Variants in NT5C2 observed in about 807,000 individuals in gnomAD.
NT5C2 encodes the protein 5'-nucleotidase, cytosolic II, also known as cytosolic purine 5'-nucleotidase.
A neutral mutation model predicts 76.1 loss-of-function variants in NT5C2; 58 were observed. The observed-to-expected ratio is 0.76, with a 90% confidence interval of 0.62 to 0.95. The LOEUF (loss-of-function observed/expected upper bound fraction) is 0.95. Ranked by LOEUF, NT5C2 falls within the 40% of genes least tolerant of loss-of-function variation. The probability of loss-of-function intolerance (pLI) is 0.00; values close to 1 mark genes in which losing one functional copy is unlikely to be tolerated. For missense variants in NT5C2, 478 were observed against 690.3 expected (o/e 0.69, Z 3.45); for synonymous variants, 229 against 237.4 (o/e 0.96, Z 0.32).
At chr10:103,138,042 T>C (rs1431444359) in intron 4 of NT5C2, among the ~76,000 whole-genome samples, 2 of 152,172 alleles carry the variant, frequency 1.3e-5, no homozygotes, top group Non-Finnish European at 2.9e-5. Context: ...TGGTACCCAA[T>C]GCCCCACATC....
chr10:103,150,707 T>A (rs1397812930), intron 3 of NT5C2, among the ~76,000 whole-genome samples: 1 of 152,246 alleles, frequency 6.6e-6, no homozygotes, highest in Non-Finnish European at 1.5e-5. Flanking sequence ...TATCTCACTA[T>A]AGTTTTAATT....
chr10:103,126,039 T>C (rs777862976), intron 4 of NT5C2, among the ~76,000 whole-genome samples: 5 of 151,848 alleles, frequency 3.3e-5, no homozygotes, highest in Admixed American at 6.6e-5. Flanking sequence ...CACTTAACCA[T>C]AAAAAGGCTA....
chr10:103,133,400 T>TA (rs773387224), intron 4 of NT5C2, among the ~76,000 whole-genome samples: 3 of 152,216 alleles, frequency 2.0e-5, no homozygotes, highest in Non-Finnish European at 4.4e-5. Context: ...TAGCTGGGAT[T>TA]ACAGGCATGC....
At chr10:103,143,929 T>C (rs577029565) in intron 3 of NT5C2, among the ~76,000 whole-genome samples, 14 of 152,246 alleles carry the variant, frequency 9.2e-5, no homozygotes, top group African/African-American at 3.4e-4. Flanking sequence ...CATTCTAGCC[T>C]GGGCAACAGA....
At chr10:103,134,722 C>T (rs1349010387) in intron 4 of NT5C2, among the ~76,000 whole-genome samples, 2 of 152,170 alleles carry the variant, frequency 1.3e-5, no homozygotes, top group African/African-American at 2.4e-5. Flanking sequence ...CAGCTTGCAC[C>T]GTGCACCTGG....
intron 17 of NT5C2, 54 bp downstream of exon 17, chr10:103,090,882 A>G: frequency 1.2e-6 from 2 of 1,601,360 alleles, no homozygotes; most frequent in East Asian, 4.5e-5. Context: ...CAGGAATGTG[A>G]AAAAAGCATT....
At position 103,115,782 on chromosome 10, in the gene NT5C2, T is replaced by C. The variant is rs189517661; in HGVS notation, c.176-9076A>G. On this transcript the variant is annotated intron_variant, in intron 4 of 18. Coordinates refer to ENST00000404739, the MANE Select transcript of NT5C2 (RefSeq NM_001351169.2). The stretch of plus-strand genomic sequence containing the variant: ...AAGTATAGACTCATATATTAAAAAG[T>C]TGTCTAAGAAGTAAATAATATACAC... Among the ~76,000 whole-genome samples, 343 of 152,206 alleles carry C rather than the reference T, an allele frequency of 2.3e-3. 4 individuals carry two copies. The highest frequency in any genetic ancestry group is 7.8e-3 in the African/African-American group (325 of 41,576).
Position 103,089,904 on chromosome 10 carries a change from G to A in NT5C2, c.1454C>T (p.Pro485Leu). 1 of 1,597,786 alleles carries A rather than the reference G, an allele frequency of 6.3e-7. No homozygotes were observed. ...TGTGTGCTCCACCGTTGATTCATGA[G>A]GCATCTAGACAGAAAAAAGCTAGAG... ...YLFRAAHVLM[P>L]HESTVEHTHV... Residue 485 changes from proline (P) to leucine (L), a missense_variant, in exon 19 of 19, where the codon CCT becomes CTT. Physicochemically the swap from Pro to Leu is moderately conservative, Grantham distance 98 (BLOSUM62 -3). Transcript: ENST00000404739.
At chr10:103,125,207 C>T in intron 4 of NT5C2, 1 of 760,456 alleles carries the variant, frequency 1.3e-6, no homozygotes, top group Admixed American at 1.8e-5. Context: ...CCTGTTTAGC[C>T]TGCCTGTGAG....
chr10:103,103,291 A>T (rs1376474262), intron 6 of NT5C2, among the ~76,000 whole-genome samples: 1 of 152,224 alleles, frequency 6.6e-6, no homozygotes, highest in Non-Finnish European at 1.5e-5. Flanking sequence ...TTCTGAGATG[A>T]GAGTTCCCAA....
chr10:103,125,794 G>A (rs1306594010), intron 4 of NT5C2, among the ~76,000 whole-genome samples: 1 of 152,070 alleles, frequency 6.6e-6, no homozygotes, highest in Non-Finnish European at 1.5e-5. Context: ...TCCACTGTTG[G>A]TAACAACAAA....
intron 6 of NT5C2, among the ~76,000 whole-genome samples, chr10:103,102,421 A>G (rs1388944430): frequency 1.3e-5 from 2 of 152,176 alleles, no homozygotes; most frequent in Non-Finnish European, 2.9e-5. Context: ...GCCATTGTAG[A>G]TCAGATGCCA....
At chr10:103,131,601 A>G (rs1185983500) in intron 4 of NT5C2, among the ~76,000 whole-genome samples, 3 of 152,212 alleles carry the variant, frequency 2.0e-5, no homozygotes, top group African/African-American at 7.2e-5. Context: ...ACATTCTACA[A>G]AATACCTAGC....
At position 103,089,523 on chromosome 10, in the gene NT5C2, A is replaced by G; in HGVS notation, c.*149T>C. The G allele has an allele frequency of 7.3e-7, 1 of 1,363,840 alleles. No individual in the cohort carries two copies. The highest frequency in any genetic ancestry group is 9.7e-7 in the Non-Finnish European group (1 of 1,035,320). The allele number at this position is 1,363,840 out of a possible 1,614,324, so 84.5% of individuals were successfully genotyped here. On this transcript the variant is annotated 3_prime_UTR_variant, in exon 19 of 19. Transcript: ENST00000404739. ...ATACACAAAACCAAAACAAGTATCT[A>G]TGATAATAAAATCTTCAGAAACTTT...
intron 3 of NT5C2, among the ~76,000 whole-genome samples, chr10:103,151,200 A>C (rs1056857504): frequency 1.3e-5 from 2 of 151,838 alleles, no homozygotes; most frequent in African/African-American, 2.4e-5. Flanking sequence ...ACAGTGGCTC[A>C]CGCCTGTAAT....
intron 4 of NT5C2, among the ~76,000 whole-genome samples, chr10:103,125,734 AC>A (rs1426984342): frequency 6.6e-6 from 1 of 152,338 alleles, no homozygotes; most frequent in South Asian, 2.1e-4. Context: ...AAAAACAAGC[AC>A]TGAACAGCCT....
At chr10:103,094,641 T>C in intron 12 of NT5C2, 186 bp from the exon 13 acceptor site, 1 of 526,948 alleles carries the variant, frequency 1.9e-6, no homozygotes, top group South Asian at 2.2e-5. Flanking sequence ...CCCAGTACTT[T>C]GGGAGGCCGA....
intron 4 of NT5C2, among the ~76,000 whole-genome samples, chr10:103,120,235 C>T (rs1298637539): frequency 6.6e-6 from 1 of 152,010 alleles, no homozygotes; most frequent in Non-Finnish European, 1.5e-5. Context: ...GGAATGATTT[C>T]ACAGCTATGA....
At chr10:103,191,252 CATGCCTGTAATCCCAGCTACTCG>C (rs2092614743) in intron 1 of NT5C2, among the ~76,000 whole-genome samples, 1 of 152,038 alleles carries the variant, frequency 6.6e-6, no homozygotes, top group South Asian at 2.1e-4. Flanking sequence ...CGTGGTGGCG[CATGCCTGTAATCCCAGCTACTCG>C]GGAGGCCGAG....
Sources: allele counts gnomAD v4.1 joint callset (sites outside exome capture counted in the v4.1 genomes callset), GRCh38; gene constraint gnomAD v4.1.1; transcripts MANE v1.5; gene names NCBI Gene and HGNC (gene_info 2026-07-23, HGNC 2026-07-21).